Variants in TRPV4 observed in about 807,000 individuals in gnomAD.
The protein encoded by TRPV4 is OSM9-like transient receptor potential channel 4.
A neutral mutation model predicts 84.1 loss-of-function variants in TRPV4; 58 were observed. That is an observed-to-expected ratio of 0.69 (90% CI 0.56 to 0.86). TRPV4 has a LOEUF of 0.86. Among genes scored for constraint, TRPV4 ranks in the 40% least tolerant of loss-of-function variants. The pLI, the probability that TRPV4 is intolerant of heterozygous loss-of-function variation, is 0.00. For missense variants in TRPV4, 879 were observed against 1,181.1 expected, an observed-to-expected ratio of 0.74 and a Z score of 3.75; for synonymous variants, 489 against 500.9, an observed-to-expected ratio of 0.98 and a Z score of 0.32.
chr12:109,825,779 G>C (rs950374525), intron 1 of TRPV4, among the ~76,000 whole-genome samples: 1 of 152,186 alleles, frequency 6.6e-6, no homozygotes, highest in Non-Finnish European at 1.5e-5. Context: ...CAAATCAGAG[G>C]AGGGGGAAGA....
At chr12:109,825,609 G>A (rs1207609996) in intron 1 of TRPV4, among the ~76,000 whole-genome samples, 1 of 152,106 alleles carries the variant, frequency 6.6e-6, no homozygotes, top group African/African-American at 2.4e-5. Flanking sequence ...CTTTGGAAAG[G>A]GTTTCCTCGC....
chr12:109,802,493 G>T (rs764459992), intron 4 of TRPV4, among the ~76,000 whole-genome samples: 3 of 151,702 alleles, frequency 2.0e-5, no homozygotes, highest in Admixed American at 1.3e-4. Flanking sequence ...GCAGAGACAG[G>T]GTTTCACCAT....
At chr12:109,802,849 T>A (rs991449812) in intron 4 of TRPV4, 142 bp downstream of exon 4, 16 of 809,688 alleles carry the variant, frequency 2.0e-5, no homozygotes, top group Admixed American at 4.0e-5. Flanking sequence ...CATCCATCCA[T>A]CCATCCATCC....
chr12:109,786,583 C>T lies in TRPV4; in HGVS notation c.2336+127G>A. The stretch of plus-strand genomic sequence containing the variant: ...GATCGCCTGGTGGAAATGAACTCTG[C>T]TCGGGCCTCTTGGGGCCTCAGTGGC... On this transcript the variant is annotated intron_variant, in intron 14 of 15. Coordinates refer to ENST00000261740, the MANE Select transcript of TRPV4 (RefSeq NM_021625.5). The surrounding 1 kb of genome is among the most constrained non-coding windows in gnomAD (Gnocchi z 4.5). 2.4e-6 allele frequency: 3 copies of T among 1,262,650 alleles called. No homozygotes were observed. Among genetic ancestry groups the T allele is most frequent in the Non-Finnish European group, 3.3e-6 (3 of 898,560 alleles). The allele number at this position is 1,262,650 out of a possible 1,614,324, so 78.2% of individuals were successfully genotyped here. A position where few individuals can be genotyped will look rare whatever the true frequency, so the allele number is the denominator to read the frequency against.
intron 1 of TRPV4, among the ~76,000 whole-genome samples, chr12:109,823,515 G>A (rs557184979): frequency 1.1e-4 from 17 of 152,168 alleles, no homozygotes; most frequent in Non-Finnish European, 1.9e-4. Context: ...ACCAAGAAGC[G>A]GTGTGGCTTA....
chr12:109,824,982 G>A (rs1272196084), intron 1 of TRPV4, among the ~76,000 whole-genome samples: 1 of 151,962 alleles, frequency 6.6e-6, no homozygotes, highest in African/African-American at 2.4e-5. Context: ...TAATTACTAC[G>A]ACCTGGGTGG....
rs1303878968 is a variant in TRPV4, at chr12:109,798,678, T to A, written c.1088A>T (p.Glu363Val). 2.0e-5 allele frequency: 32 copies of A among 1,613,626 alleles called. 1 individual carries two copies. Among genetic ancestry groups the A allele is most frequent in the Non-Finnish European group, 2.7e-5 (32 of 1,180,038 alleles). ...GAGGCCGTCGTTGTTGAGCACGGCC[T>A]CCAGGTTGCTGTCGGGGAAGAGGCG... ...CARLFPDSNL[E>V]AVLNNDGLSP... Residue 363 changes from glutamate (E) to valine (V), a missense_variant, in exon 6 of 16, where the codon GAG becomes GTG. Physicochemically the swap from Glu to Val is moderately radical, Grantham distance 121. Coordinates refer to ENST00000261740, the MANE Select transcript of TRPV4 (RefSeq NM_021625.5). The surrounding 1 kb of genome is among the most constrained non-coding windows in gnomAD (Gnocchi z 5.0).
At position 109,783,478 on chromosome 12, in the gene TRPV4, G is replaced by T; in HGVS notation, c.*143C>A. 1.7e-6 allele frequency: 2 copies of T among 1,170,042 alleles called. No individual in the cohort carries two copies. The highest frequency in any genetic ancestry group is 2.4e-6 in the Non-Finnish European group (2 of 848,750). The allele number at this position is 1,170,042 out of a possible 1,614,324, so 72.5% of individuals were successfully genotyped here. On this transcript the variant is annotated 3_prime_UTR_variant, in exon 16 of 16. Coordinates refer to ENST00000261740, the MANE Select transcript of TRPV4 (RefSeq NM_021625.5). This position sits in a 1 kb window ranked among gnomAD's most constrained non-coding sequence, Gnocchi z 4.6. ...GGAGGCAGAGCCAGGGGACCACAGG[G>T]TCCTGGGGCCTCCCTGGCACCTCCA... is the stretch of plus-strand genomic sequence containing the variant.
In TRPV4 at chr12:109,793,404, G is replaced by C. The variant is rs1890163372; in HGVS notation, c.1658+123C>G. On this transcript the variant is annotated intron_variant, in intron 10 of 15. Coordinates refer to ENST00000261740, the MANE Select transcript of TRPV4 (RefSeq NM_021625.5). This position sits in a 1 kb window ranked among gnomAD's most constrained non-coding sequence, Gnocchi z 4.0. ...GTGGCTTTGTCCTGACTTTGGGTTA[G>C]AGCTGCCCAGGTTGGGTGCATTCAT... 1.2e-6 allele frequency: 1 copy of C among 868,062 alleles called. No homozygotes were observed. The highest frequency in any genetic ancestry group is 2.0e-6 in the Non-Finnish European group (1 of 505,450). The allele number at this position is 868,062 out of a possible 1,614,324, so 53.8% of individuals were successfully genotyped here. A position where few individuals can be genotyped will look rare whatever the true frequency, so the allele number is the denominator to read the frequency against.
At chr12:109,790,946 C>A (rs901774548) in intron 12 of TRPV4, among the ~76,000 whole-genome samples, 5 of 152,210 alleles carry the variant, frequency 3.3e-5, no homozygotes, top group African/African-American at 9.6e-5. Context: ...AGATAGCAAA[C>A]CCCCTCTAAC....
rs747256820 is a variant in TRPV4, at chr12:109,800,607, C to G, written c.853+11G>C. 1 of 1,614,138 alleles carries G rather than the reference C, an allele frequency of 6.2e-7. No homozygotes were observed. The highest frequency in any genetic ancestry group is 8.5e-7 in the Non-Finnish European group (1 of 1,180,034). On this transcript the variant is annotated intron_variant, in intron 5 of 15. Coordinates refer to ENST00000261740, the MANE Select transcript of TRPV4 (RefSeq NM_021625.5). The stretch of plus-strand genomic sequence containing the variant: ...CAGCATGCTGTCAGCCCCCACCAGG[C>G]CCCTCCTTACCAAAGTAGAAGTAGC...
chr12:109,824,478 G>A (rs1395717828), intron 1 of TRPV4, among the ~76,000 whole-genome samples: 2 of 151,972 alleles, frequency 1.3e-5, no homozygotes, highest in South Asian at 2.1e-4. Context: ...TAGTCCGGCC[G>A]GGCGCAGTGG....
At chr12:109,812,504 T>C (rs1891583076) in intron 2 of TRPV4, among the ~76,000 whole-genome samples, 1 of 151,906 alleles carries the variant, frequency 6.6e-6, no homozygotes, top group African/African-American at 2.4e-5. Context: ...GGTAGGGAGA[T>C]GGATGGATGA....
chr12:109,800,536 G>A lies in TRPV4; in HGVS notation c.853+82C>T, dbSNP rs995197547. On this transcript the variant is annotated intron_variant, in intron 5 of 15. Coordinates refer to ENST00000261740, the MANE Select transcript of TRPV4 (RefSeq NM_021625.5). ...CCTGGGTGTCTGGGTGATGGTCAGG[G>A]CTGCAGACACCAACCAGTATCATGC... 18 of 1,559,504 alleles carry A rather than the reference G, an allele frequency of 1.2e-5. No individual in the cohort carries two copies. In the African/African-American group the frequency reaches 2.0e-4, roughly 18 times the overall value.
intron 1 of TRPV4, among the ~76,000 whole-genome samples, chr12:109,817,858 C>G (rs971938132): frequency 1.3e-5 from 2 of 152,226 alleles, no homozygotes; most frequent in African/African-American, 4.8e-5. Context: ...GGGAGCACTA[C>G]TGGCATCTGG....
At chr12:109,831,031 C>T (rs928778360) in intron 1 of TRPV4, among the ~76,000 whole-genome samples, 1 of 152,286 alleles carries the variant, frequency 6.6e-6, no homozygotes, top group East Asian at 1.9e-4. Context: ...GCCACAGGGA[C>T]CTTTCTAGAA....
At chr12:109,802,614 A>ATTT (rs34679148) in intron 4 of TRPV4, among the ~76,000 whole-genome samples, 1,232 of 103,520 alleles carry the variant, frequency 0.012, 11 homozygotes, top group Middle Eastern at 0.014. Flanking sequence ...CTTTTATTTT[A>ATTT]TTTTTTTTTT....
intron 1 of TRPV4, among the ~76,000 whole-genome samples, chr12:109,826,299 C>T (rs1892250093): frequency 6.6e-6 from 1 of 152,240 alleles, no homozygotes. Flanking sequence ...GTTGTGATTA[C>T]AGGCGTGAAC....
intron 4 of TRPV4, among the ~76,000 whole-genome samples, chr12:109,802,130 C>CTTTT (rs35214010): frequency 8.2e-5 from 11 of 134,322 alleles, no homozygotes; most frequent in African/African-American, 2.8e-4. Context: ...ATCTTGGAAT[C>CTTTT]TTTTTTTTTT....
Sources: allele counts gnomAD v4.1 joint callset (sites outside exome capture counted in the v4.1 genomes callset), GRCh38; gene constraint gnomAD v4.1.1; non-coding constraint Gnocchi (gnomAD v3.1); transcripts MANE v1.5; gene names NCBI Gene and HGNC (gene_info 2026-07-23, HGNC 2026-07-21).